The following PTPRD variants were observed in gnomAD, a reference collection of about 807,000 sequenced individuals.
PTPRD encodes protein tyrosine phosphatase receptor type D.
Under a neutral mutation model 214.5 loss-of-function variants are expected in PTPRD, and 34 were observed. The observed-to-expected ratio is 0.16, with a 90% confidence interval of 0.12 to 0.21. PTPRD has a LOEUF of 0.21. Ranked by LOEUF, PTPRD falls within the 10% of genes least tolerant of loss-of-function variation. PTPRD has a pLI of 1.00. For synonymous variants in PTPRD, 1,128 were observed against 845.7 expected, an observed-to-expected ratio of 1.33 and a Z score of -5.79; for missense variants, 2,545 against 2,398.7, an observed-to-expected ratio of 1.06 and a Z score of -1.27.
At position 10,103,549 on chromosome 9, in the gene PTPRD, T is replaced by G. The variant is rs541915207; in HGVS notation, c.-544-69759A>C. Among the ~76,000 whole-genome samples the G allele has an allele frequency of 2.6e-5, 4 of 151,466 alleles. No homozygotes were observed. In the South Asian group the frequency reaches 8.3e-4, roughly 32 times the overall value. ...GAGTCTCATTAGAGAAAGGGAATTA[T>G]ACAATATAAGCCCCCTAAAGCCCTT... On this transcript the variant is annotated intron_variant, in intron 3 of 45. Transcript: ENST00000381196.
chr9:9,345,083 G>C (rs2048301019), intron 9 of PTPRD, among the ~76,000 whole-genome samples: 1 of 152,048 alleles, frequency 6.6e-6, no homozygotes, highest in Non-Finnish European at 1.5e-5. Context: ...TTCCAGACAG[G>C]AAAGTGGTTC....
chr9:10,239,738 T>C (rs1351613147), intron 3 of PTPRD, among the ~76,000 whole-genome samples: 2 of 151,830 alleles, frequency 1.3e-5, no homozygotes, highest in African/African-American at 2.4e-5. Flanking sequence ...GTTATGAATA[T>C]GTGGAGTCTC....
chr9:9,840,761 C>CAAAAAAAAAAAAAAA (rs59780411), intron 5 of PTPRD, among the ~76,000 whole-genome samples: 4 of 61,622 alleles, frequency 6.5e-5, no homozygotes, highest in Non-Finnish European at 7.9e-5. Flanking sequence ...GACTCCGTTT[C>CAAAAAAAAAAAAAAA]AAAAAAAAAA....
Position 8,507,047 on chromosome 9 carries a change from T to C in PTPRD, c.1677+254A>G, listed in dbSNP as rs544194413. Among the ~76,000 whole-genome samples, 8 of 152,272 alleles carry C rather than the reference T, an allele frequency of 5.3e-5. No homozygotes were observed. In the South Asian group the frequency reaches 1.7e-3, roughly 32 times the overall value. ...AACTTGGAACTCTGTCAGAAGCACA[T>C]TCCAACAGGAACAAGAGTTATTTTG... On this transcript the variant is annotated intron_variant, in intron 22 of 45. Coordinates refer to ENST00000381196, the MANE Select transcript of PTPRD (RefSeq NM_002839.4).
intron 3 of PTPRD, among the ~76,000 whole-genome samples, chr9:10,064,792 C>T (rs2097846259): frequency 6.6e-6 from 1 of 151,930 alleles, no homozygotes; most frequent in South Asian, 2.1e-4. Flanking sequence ...TGCACATGTA[C>T]TCCCTGAATC....
chr9:10,003,219 A>C (rs898642932), intron 4 of PTPRD, among the ~76,000 whole-genome samples: 32 of 151,800 alleles, frequency 2.1e-4, no homozygotes, highest in African/African-American at 5.8e-4. Flanking sequence ...ACAGAATTAC[A>C]TGTAGTTATA....
At chr9:10,144,434 T>C (rs1005127887) in intron 3 of PTPRD, among the ~76,000 whole-genome samples, 1 of 152,146 alleles carries the variant, frequency 6.6e-6, no homozygotes, top group African/African-American at 2.4e-5. Flanking sequence ...GCCTTTTCTA[T>C]TTCAGTACCC....
intron 12 of PTPRD, among the ~76,000 whole-genome samples, chr9:8,704,195 C>G (rs2098149542): frequency 6.6e-6 from 1 of 152,134 alleles, no homozygotes; most frequent in Admixed American, 6.5e-5. Flanking sequence ...AAAGTTCACA[C>G]TCCACACCAG....
intron 8 of PTPRD, among the ~76,000 whole-genome samples, chr9:9,443,361 A>G (rs182060986): frequency 5.3e-5 from 8 of 152,360 alleles, no homozygotes; most frequent in Admixed American, 2.6e-4. Flanking sequence ...GAAACTAAAC[A>G]GAAACTACTC....
At chr9:8,729,490 A>AACT (rs2098631165) in intron 12 of PTPRD, among the ~76,000 whole-genome samples, 1 of 152,210 alleles carries the variant, frequency 6.6e-6, no homozygotes, top group Non-Finnish European at 1.5e-5. Context: ...TGCTCAATAA[A>AACT]ACTGTTTGCT....
intron 9 of PTPRD, among the ~76,000 whole-genome samples, chr9:9,190,775 G>A (rs950505490): frequency 6.6e-6 from 1 of 152,112 alleles, no homozygotes; most frequent in African/African-American, 2.4e-5. Flanking sequence ...TGATAGATAA[G>A]TGGTGTGATT....
intron 29 of PTPRD, among the ~76,000 whole-genome samples, chr9:8,484,667 T>A (rs1565186919): frequency 6.6e-6 from 1 of 151,534 alleles, no homozygotes; most frequent in Non-Finnish European, 1.5e-5. Flanking sequence ...GTCAGTTGTA[T>A]GTGATCTTAA....
intron 4 of PTPRD, among the ~76,000 whole-genome samples, chr9:9,952,190 G>T (rs924856243): frequency 3.3e-5 from 5 of 152,174 alleles, no homozygotes; most frequent in African/African-American, 1.2e-4. Context: ...GTACATTGGT[G>T]AAAGGAGAAA....
intron 2 of PTPRD, among the ~76,000 whole-genome samples, chr9:10,453,123 G>C (rs1379542274): frequency 6.6e-6 from 1 of 151,334 alleles, no homozygotes; most frequent in South Asian, 2.1e-4. Flanking sequence ...AGGATTAGTT[G>C]CCCATATATA....
At chr9:10,375,887 T>C (rs748333063) in intron 2 of PTPRD, among the ~76,000 whole-genome samples, 3 of 152,062 alleles carry the variant, frequency 2.0e-5, no homozygotes, top group Non-Finnish European at 1.5e-5. Context: ...TCGTGCCCTA[T>C]TTTGAATTTG....
chr9:9,275,300 TA>T (rs1945169139), intron 9 of PTPRD, among the ~76,000 whole-genome samples: 1 of 139,918 alleles, frequency 7.1e-6, no homozygotes, highest in Non-Finnish European at 1.5e-5. Context: ...TTTGCCAATT[TA>T]AAATAGTGAG....
chr9:9,661,937 C>A (rs1454990787), intron 7 of PTPRD, among the ~76,000 whole-genome samples: 1 of 151,652 alleles, frequency 6.6e-6, no homozygotes, highest in African/African-American at 2.4e-5. Flanking sequence ...ATCATCTGAA[C>A]TCTGAAGTTC....
intron 4 of PTPRD, among the ~76,000 whole-genome samples, chr9:9,940,100 A>G (rs1423532379): frequency 6.6e-6 from 1 of 152,178 alleles, no homozygotes; most frequent in East Asian, 1.9e-4. Context: ...GGAAACCACA[A>G]GGAAGGTATG....
chr9:9,551,482 G>A (rs778500360), intron 8 of PTPRD, among the ~76,000 whole-genome samples: 21 of 149,826 alleles, frequency 1.4e-4, no homozygotes, highest in Non-Finnish European at 2.7e-4. Context: ...TAGTGAAATG[G>A]TAATAGAATA....
Sources: gnomAD v4.1 joint callset for allele counts (sites outside exome capture counted in the v4.1 genomes callset) on GRCh38, gnomAD v4.1.1 for gene constraint, MANE v1.5 for transcripts, NCBI Gene and HGNC (gene_info 2026-07-23, HGNC 2026-07-21) for gene names.